The following KIAA1217 variants were observed in gnomAD, a reference collection of about 807,000 sequenced individuals.
KIAA1217 encodes the protein KIAA1217, also known as sickle tail protein homolog.
KIAA1217 carries 88 observed loss-of-function variants against 163.9 expected under a neutral mutation model. The observed-to-expected ratio is 0.54, with a 90% CI of 0.45 to 0.64. KIAA1217 has a LOEUF of 0.64. Among genes scored for constraint, KIAA1217 ranks in the 30% least tolerant of loss-of-function variants. KIAA1217 has a pLI of 0.00. For missense variants in KIAA1217, 2,372 were observed against 2,475.0 expected (o/e 0.96, Z 0.88); for synonymous variants, 903 against 923.1 (o/e 0.98, Z 0.39).
chr10:24,544,886 A>T lies in KIAA1217; in HGVS notation c.5212-95A>T. The T allele has an allele frequency of 4.3e-6, 6 of 1,382,702 alleles. 1 individual carries two copies. In the South Asian group the frequency reaches 7.8e-5, roughly 18 times the overall value. 85.7% of individuals were successfully genotyped at this position (1,382,702 alleles called of 1,614,324 possible). The stretch of plus-strand genomic sequence containing the variant: ...CCTGCATGTAGGGCTGTGGCTTCTC[A>T]CCTTGAGCTTCTCTGCACATCGTGG... On this transcript the variant is annotated intron_variant, in intron 19 of 20. Transcript: ENST00000376454.
intron 10 of KIAA1217, among the ~76,000 whole-genome samples, chr10:24,517,834 A>C (rs1185720365): frequency 6.6e-6 from 1 of 152,132 alleles, no homozygotes; most frequent in Non-Finnish European, 1.5e-5. Context: ...ATCTCTACTG[A>C]AAATACAAAA....
At chr10:23,718,833 TGAGG>T (rs1220452222) in intron 1 of KIAA1217, among the ~76,000 whole-genome samples, 1 of 131,838 alleles carries the variant, frequency 7.6e-6, no homozygotes, top group African/African-American at 3.0e-5. Flanking sequence ...AGAGAGGGAT[TGAGG>T]GAGGGAGGGA....
intron 10 of KIAA1217, 39 bp from the exon 11 acceptor site, chr10:24,520,084 C>G (rs554925789): frequency 3.1e-6 from 5 of 1,588,282 alleles, no homozygotes; most frequent in Admixed American, 1.7e-5. Context: ...TGTGAGGCCT[C>G]GTGTTCAGCT....
chr10:24,147,191 T>G (rs962643764), intron 2 of KIAA1217, among the ~76,000 whole-genome samples: 2 of 152,148 alleles, frequency 1.3e-5, no homozygotes, highest in African/African-American at 4.8e-5. Flanking sequence ...TTCTACCATG[T>G]TTTCATTGCA....
intron 1 of KIAA1217, among the ~76,000 whole-genome samples, chr10:23,697,006 C>T (rs1836085919): frequency 6.6e-6 from 1 of 152,182 alleles, no homozygotes; most frequent in South Asian, 2.1e-4. Context: ...AAATAAGGTT[C>T]ATGAACGTTC....
intron 1 of KIAA1217, among the ~76,000 whole-genome samples, chr10:23,733,611 TTTG>T (rs949110807): frequency 4.8e-5 from 7 of 144,692 alleles, no homozygotes; most frequent in Non-Finnish European, 9.1e-5. Flanking sequence ...TCATATTATT[TTTG>T]TTGTTATGTT....
At chr10:24,013,839 G>C (rs979621626) in intron 2 of KIAA1217, among the ~76,000 whole-genome samples, 25 of 151,998 alleles carry the variant, frequency 1.6e-4, no homozygotes, top group African/African-American at 6.0e-4. Flanking sequence ...GGGAAGGAGA[G>C]ATATGGAAGA....
At chr10:24,532,584 G>A (rs564698804) in intron 15 of KIAA1217, among the ~76,000 whole-genome samples, 2 of 152,318 alleles carry the variant, frequency 1.3e-5, no homozygotes, top group African/African-American at 2.4e-5. Context: ...TATGGCAGAA[G>A]ATGAAGGAAG....
intron 1 of KIAA1217, among the ~76,000 whole-genome samples, chr10:23,998,423 C>G (rs1846597648): frequency 6.6e-6 from 1 of 152,342 alleles, no homozygotes; most frequent in East Asian, 1.9e-4. Context: ...GACCCTGTTT[C>G]TCGTTCCTGC....
At chr10:24,341,410 T>TTTATTTAAA (rs2047085692) in intron 2 of KIAA1217, among the ~76,000 whole-genome samples, 1 of 152,228 alleles carries the variant, frequency 6.6e-6, no homozygotes, top group African/African-American at 2.4e-5. Context: ...ATGAATTGTT[T>TTTATTTAAA]TTATTTAAAT....
intron 1 of KIAA1217, among the ~76,000 whole-genome samples, chr10:23,927,622 A>T (rs894388761): frequency 3.9e-5 from 6 of 152,158 alleles, no homozygotes; most frequent in African/African-American, 1.4e-4. Flanking sequence ...ATGGTGATGC[A>T]CTAGGCTTTT....
chr10:23,880,882 G>A (rs1327363402), intron 1 of KIAA1217, among the ~76,000 whole-genome samples: 1 of 152,092 alleles, frequency 6.6e-6, no homozygotes, highest in Non-Finnish European at 1.5e-5. Context: ...GTGCTTTTCA[G>A]CCACATTCGG....
intron 1 of KIAA1217, among the ~76,000 whole-genome samples, chr10:23,858,297 G>T (rs544074897): frequency 1.3e-5 from 2 of 152,064 alleles, no homozygotes; most frequent in African/African-American, 2.4e-5. Context: ...CAGCATAGTC[G>T]TGAGGAACCC....
chr10:24,544,329 G>A lies in KIAA1217; in HGVS notation c.5059G>A (p.Ala1687Thr). The A allele has an allele frequency of 6.2e-7, 1 of 1,614,134 alleles. No individual in the cohort carries two copies. The highest frequency in any genetic ancestry group is 8.5e-7 in the Non-Finnish European group (1 of 1,180,026). The part of the protein sequence containing the change: ...ENTISEMSPK[A>T]LVDTSCSSNR... The stretch of plus-strand genomic sequence containing the variant: ...TACAATCAGTGAAATGAGTCCCAAA[G>A]CCCTAGTTGATACCTCATGTTCTTC... The change falls in exon 19 of 21, where the codon GCC (alanine) becomes ACC (threonine). Residue 1687 changes from alanine (A) to threonine (T), a missense_variant. By Grantham distance (58) the Ala-to-Thr change is moderately conservative. Coordinates refer to ENST00000376454, the MANE Select transcript of KIAA1217 (RefSeq NM_019590.5).
At chr10:23,746,771 A>G (rs1839440702) in intron 1 of KIAA1217, among the ~76,000 whole-genome samples, 1 of 152,036 alleles carries the variant, frequency 6.6e-6, no homozygotes, top group Non-Finnish European at 1.5e-5. Context: ...TTCTAGATAG[A>G]AGTTTGGGGC....
intron 16 of KIAA1217, among the ~76,000 whole-genome samples, chr10:24,534,644 C>T (rs1290944328): frequency 4.6e-5 from 7 of 152,020 alleles, no homozygotes; most frequent in African/African-American, 9.7e-5. Context: ...CTTTGGGAGG[C>T]TGAGGCGGGC....
chr10:24,020,178 G>A (rs1847672053), intron 2 of KIAA1217, among the ~76,000 whole-genome samples: 1 of 152,112 alleles, frequency 6.6e-6, no homozygotes, highest in Admixed American at 6.6e-5. Context: ...AGAGCGTTGG[G>A]TGAGAATAGT....
At chr10:23,723,094 G>A (rs1157676160) in intron 1 of KIAA1217, among the ~76,000 whole-genome samples, 1 of 152,148 alleles carries the variant, frequency 6.6e-6, no homozygotes, top group Admixed American at 6.6e-5. Context: ...CTGGCCAGCA[G>A]AAAGTAATGA....
chr10:24,521,975 A>G (rs752400822), intron 12 of KIAA1217, 46 bp downstream of exon 12: 1 of 1,580,576 alleles, frequency 6.3e-7, no homozygotes, highest in African/African-American at 1.3e-5. Context: ...GGAGGGGTGC[A>G]CTGGGAAACC....
Sources: allele counts gnomAD v4.1 joint callset (sites outside exome capture counted in the v4.1 genomes callset), GRCh38; gene constraint gnomAD v4.1.1; transcripts MANE v1.5; gene names NCBI Gene and HGNC (gene_info 2026-07-23, HGNC 2026-07-21).